CCDC25: variants seen among roughly 807,000 people sequenced by gnomAD.
CCDC25 encodes the protein coiled-coil domain containing 25.
Under a neutral mutation model 35.3 loss-of-function variants are expected in CCDC25, and 16 were observed. The observed-to-expected ratio is 0.45, with a 90% CI of 0.31 to 0.69. The LOEUF (loss-of-function observed/expected upper bound fraction) is 0.69, where lower values mean the gene tolerates loss of function less well. CCDC25 is among the 30% of genes least tolerant of loss of function. CCDC25 has a pLI of 0.06. For missense variants in CCDC25, 179 were observed against 250.7 expected (o/e 0.71, Z 1.93); for synonymous variants, 79 against 80.3 (o/e 0.98, Z 0.09).
In CCDC25 at chr8:27,750,257, G is replaced by A. The variant is rs541389360; in HGVS notation, c.245-1659C>T. ...TCGAGGAGGCTCACAGAGCTCAGGG[G>A]TTACGGCAGAACACTTGAGCCAAAT... On this transcript the variant is annotated intron_variant, in intron 5 of 8. Coordinates refer to ENST00000356537, the MANE Select transcript of CCDC25 (RefSeq NM_018246.3). 3.9e-5 allele frequency among the ~76,000 whole-genome samples: 6 copies of A among 152,344 alleles called. No individual in the cohort carries two copies. In the East Asian group the frequency reaches 1.2e-3, roughly 29 times the overall value.
At chr8:27,751,211 G>A (rs953582715) in intron 5 of CCDC25, among the ~76,000 whole-genome samples, 2 of 152,222 alleles carry the variant, frequency 1.3e-5, no homozygotes, top group South Asian at 4.1e-4. Flanking sequence ...CTGCTAGCCA[G>A]CAGCAATGGA....
intron 7 of CCDC25, among the ~76,000 whole-genome samples, chr8:27,741,509 T>C (rs761724021): frequency 6.6e-6 from 1 of 152,128 alleles, no homozygotes; most frequent in Non-Finnish European, 1.5e-5. Context: ...TGAAACCCCA[T>C]CTCTACTAAA....
At chr8:27,747,980 C>A (rs1803660116) in intron 7 of CCDC25, 97 bp downstream of exon 7, 2 of 1,203,910 alleles carry the variant, frequency 1.7e-6, no homozygotes, top group Non-Finnish European at 2.4e-6. Context: ...ACATGTCCCT[C>A]CTTCCACCAA....
intron 3 of CCDC25, among the ~76,000 whole-genome samples, chr8:27,758,325 G>T (rs999087743): frequency 6.6e-6 from 1 of 152,152 alleles, no homozygotes; most frequent in African/African-American, 2.4e-5. Context: ...CTATATAAAA[G>T]TGCCCTCTTT....
intron 1 of CCDC25, among the ~76,000 whole-genome samples, chr8:27,770,041 G>C (rs1042225468): frequency 5.9e-5 from 9 of 152,302 alleles, no homozygotes; most frequent in African/African-American, 2.2e-4. Context: ...CTACTTGGGA[G>C]ACTGAGGCAG....
chr8:27,764,372 G>A (rs192042678), intron 2 of CCDC25: 114 of 271,842 alleles, frequency 4.2e-4, no homozygotes, highest in Non-Finnish European at 6.6e-4. Context: ...AGGCTCAAGC[G>A]ATCTTCCTGC....
intron 2 of CCDC25, among the ~76,000 whole-genome samples, chr8:27,763,308 G>A (rs932400316): frequency 2.0e-5 from 3 of 151,890 alleles, no homozygotes. Context: ...ATTTTTTAAG[G>A]CTAATATATA....
At chr8:27,751,890 C>G (rs544881661) in intron 5 of CCDC25, among the ~76,000 whole-genome samples, 1 of 152,232 alleles carries the variant, frequency 6.6e-6, no homozygotes, top group South Asian at 2.1e-4. Context: ...TGTTCTCAAC[C>G]CATGCTGCAC....
chr8:27,748,423 G>C, intron 6 of CCDC25, 72 bp downstream of exon 6: 1 of 1,356,978 alleles, frequency 7.4e-7, no homozygotes. Flanking sequence ...CAACAATGGT[G>C]TCAGACAGAA....
intron 3 of CCDC25, among the ~76,000 whole-genome samples, chr8:27,761,943 G>T (rs746167596): frequency 2.0e-5 from 3 of 152,142 alleles, no homozygotes; most frequent in Admixed American, 1.3e-4. Flanking sequence ...TAGAAAGAAG[G>T]CGTCGGGGTT....
At chr8:27,763,388 A>G (rs978808935) in intron 2 of CCDC25, among the ~76,000 whole-genome samples, 1 of 152,260 alleles carries the variant, frequency 6.6e-6, no homozygotes, top group African/African-American at 2.4e-5. Flanking sequence ...ATTCTGTTTA[A>G]TACAGAATTA....
intron 2 of CCDC25, 135 bp from the exon 3 acceptor site, chr8:27,762,593 C>A: frequency 1.6e-6 from 1 of 619,652 alleles, no homozygotes; most frequent in Non-Finnish European, 2.8e-6. Context: ...AATTCGGAGG[C>A]CTTGATGCTT....
At chr8:27,736,312 T>G in intron 8 of CCDC25, 67 bp from the exon 9 acceptor site, 1 of 1,302,960 alleles carries the variant, frequency 7.7e-7, no homozygotes, top group Non-Finnish European at 1.1e-6. Flanking sequence ...AATTTACAAT[T>G]ATCTTAATTA....
intron 4 of CCDC25, among the ~76,000 whole-genome samples, chr8:27,756,139 A>G (rs896737859): frequency 9.2e-5 from 14 of 152,248 alleles, no homozygotes; most frequent in African/African-American, 2.7e-4. Context: ...CTGGAAATCT[A>G]ACATTTTTCC....
chr8:27,755,141 C>T (rs1300632368), intron 4 of CCDC25, among the ~76,000 whole-genome samples: 4 of 152,262 alleles, frequency 2.6e-5, no homozygotes, highest in South Asian at 2.1e-4. Context: ...ATCTTGATTT[C>T]GAAACACCAT....
At position 27,734,810 on chromosome 8, in the gene CCDC25, C is replaced by CGAATACATCTGAGATGTATCAA. The variant is rs1213456494; in HGVS notation, c.*1384_*1405dup. The CGAATACATCTGAGATGTATCAA allele has an allele frequency of 4.6e-5, 7 of 152,162 alleles. No homozygotes were observed. The highest frequency in any genetic ancestry group is 1.0e-4 in the Non-Finnish European group (7 of 68,044). The allele number at this position is 152,162 out of a possible 1,614,324, so 9.4% of individuals were successfully genotyped here. A position where few individuals can be genotyped will look rare whatever the true frequency, so the allele number is the denominator to read the frequency against. On this transcript the variant is annotated 3_prime_UTR_variant, in exon 9 of 9. Coordinates refer to ENST00000356537, the MANE Select transcript of CCDC25 (RefSeq NM_018246.3). ...TGGAAGTATGGAAGGAGCACAGCTACGAATACATCTGAGATGTATCAAGAA... is the reference window on the plus strand; with the variant it reads ...TGGAAGTATGGAAGGAGCACAGCTACGAATACATCTGAGATGTATCAAGAATACATCTGAGATGTATCAAGAA...
intron 8 of CCDC25, among the ~76,000 whole-genome samples, chr8:27,738,656 T>C (rs1803336812): frequency 2.0e-5 from 3 of 151,990 alleles, no homozygotes; most frequent in Non-Finnish European, 4.4e-5. Flanking sequence ...TAGAATTATA[T>C]ACAAGCTTTA....
chr8:27,742,607 G>C (rs556659180), intron 7 of CCDC25, among the ~76,000 whole-genome samples: 5 of 152,124 alleles, frequency 3.3e-5, no homozygotes, highest in African/African-American at 9.6e-5. Flanking sequence ...GCTCACACCT[G>C]TAATCCCAGC....
At position 27,768,157 on chromosome 8, in the gene CCDC25, C is replaced by T. The variant is rs992147868; in HGVS notation, c.29-2906G>A. ...CACCACTACACTTGCCACTACACTTCGGCCTGGGTGACAGAGCAAGACTGT... is the reference window on the plus strand; with the variant it reads ...CACCACTACACTTGCCACTACACTTTGGCCTGGGTGACAGAGCAAGACTGT... On this transcript the variant is annotated intron_variant, in intron 1 of 8. Coordinates refer to ENST00000356537, the MANE Select transcript of CCDC25 (RefSeq NM_018246.3). Among the ~76,000 whole-genome samples, 12 of 152,188 alleles carry T rather than the reference C, an allele frequency of 7.9e-5. No individual in the cohort carries two copies. The East Asian group carries it at 9.6e-4, about 12-fold the overall frequency.
Sources: gnomAD v4.1 joint callset for allele counts (sites outside exome capture counted in the v4.1 genomes callset) on GRCh38, gnomAD v4.1.1 for gene constraint, MANE v1.5 for transcripts, NCBI Gene and HGNC (gene_info 2026-07-23, HGNC 2026-07-21) for gene names.